PALLD: variants seen among roughly 807,000 people sequenced by gnomAD.
PALLD encodes palladin.
Under a neutral mutation model 123.5 loss-of-function variants are expected in PALLD, and 61 were observed. The ratio of observed to expected loss-of-function variants is 0.49; its 90% CI spans 0.40 to 0.61. The LOEUF (loss-of-function observed/expected upper bound fraction) is 0.61, where lower values mean the gene tolerates loss of function less well. PALLD is among the 20% of genes least tolerant of loss of function. The pLI is 0.00. For synonymous variants in PALLD, 465 were observed against 496.4 expected, an observed-to-expected ratio of 0.94 and a Z score of 0.84; for missense variants, 1,273 against 1,377.0, an observed-to-expected ratio of 0.92 and a Z score of 1.20.
chr4:168,632,352 A>G (rs1192161344), intron 2 of PALLD, among the ~76,000 whole-genome samples: 1 of 152,180 alleles, frequency 6.6e-6, no homozygotes, highest in Non-Finnish European at 1.5e-5. Flanking sequence ...CAAAGCAATC[A>G]ATTTCTGACA....
At chr4:168,842,839 G>C (rs964738802) in intron 10 of PALLD, among the ~76,000 whole-genome samples, 1 of 152,156 alleles carries the variant, frequency 6.6e-6, no homozygotes, top group Non-Finnish European at 1.5e-5. Flanking sequence ...CCCGGTTTTG[G>C]AGAAATAAAA....
intron 10 of PALLD, among the ~76,000 whole-genome samples, chr4:168,755,122 A>G (rs1455802997): frequency 1.3e-5 from 2 of 151,506 alleles, no homozygotes; most frequent in Non-Finnish European, 2.9e-5. Context: ...AGTCTCAGCT[A>G]CTTGGGAGGC....
At chr4:168,574,785 A>G (rs1053748348) in intron 2 of PALLD, among the ~76,000 whole-genome samples, 1 of 152,148 alleles carries the variant, frequency 6.6e-6, no homozygotes, top group Non-Finnish European at 1.5e-5. Context: ...ATTAGCTACT[A>G]TAGAGAACTC....
intron 10 of PALLD, among the ~76,000 whole-genome samples, chr4:168,872,333 C>T (rs953940072): frequency 6.6e-6 from 1 of 152,334 alleles, no homozygotes; most frequent in Admixed American, 6.5e-5. Flanking sequence ...TGATTTCACT[C>T]AGGTCACTTC....
chr4:168,552,769 G>A (rs988597552), intron 2 of PALLD, among the ~76,000 whole-genome samples: 5 of 152,058 alleles, frequency 3.3e-5, no homozygotes, highest in South Asian at 4.1e-4. Flanking sequence ...TCTGCCTCCC[G>A]GGCTCATGCG....
chr4:168,807,934 G>C (rs1374880923), intron 10 of PALLD, among the ~76,000 whole-genome samples: 1 of 152,018 alleles, frequency 6.6e-6, no homozygotes, highest in Non-Finnish European at 1.5e-5. Flanking sequence ...TCGAACTTCT[G>C]ACCTCAGGTG....
intron 10 of PALLD, among the ~76,000 whole-genome samples, chr4:168,820,934 T>C (rs540549393): frequency 6.6e-6 from 1 of 152,340 alleles, no homozygotes; most frequent in Non-Finnish European, 1.5e-5. Context: ...ATGATACTAT[T>C]ATTTATTAAG....
intron 11 of PALLD, among the ~76,000 whole-genome samples, chr4:168,892,037 A>C (rs754383873): frequency 5.3e-5 from 8 of 152,234 alleles, no homozygotes; most frequent in Non-Finnish European, 8.8e-5. Flanking sequence ...GAGTACCTAA[A>C]TAGATTTGGT....
At chr4:168,543,397 C>T (rs1389323570) in intron 2 of PALLD, among the ~76,000 whole-genome samples, 1 of 150,506 alleles carries the variant, frequency 6.6e-6, no homozygotes, top group African/African-American at 2.4e-5. Context: ...TTTAACTGGG[C>T]TTACTAGGCA....
At chr4:168,732,800 C>T (rs941720479) in intron 10 of PALLD, among the ~76,000 whole-genome samples, 4 of 152,158 alleles carry the variant, frequency 2.6e-5, no homozygotes, top group South Asian at 2.1e-4. Flanking sequence ...TTATACAATC[C>T]GATAGTCTAT....
intron 10 of PALLD, among the ~76,000 whole-genome samples, chr4:168,720,813 A>G (rs17054507): frequency 0.05 from 7,544 of 152,256 alleles, 576 homozygotes; most frequent in African/African-American, 0.16. Flanking sequence ...CCCTTCCCTG[A>G]AAATGAGAAG....
intron 2 of PALLD, among the ~76,000 whole-genome samples, chr4:168,539,039 TA>T (rs1190445627): frequency 1.3e-5 from 2 of 152,204 alleles, no homozygotes; most frequent in Non-Finnish European, 2.9e-5. Flanking sequence ...TAGTGTGTCA[TA>T]AAACTAGCTC....
intron 2 of PALLD, among the ~76,000 whole-genome samples, chr4:168,523,230 AGGAGGGGAGG>A (rs199747813): frequency 9.3e-6 from 1 of 107,402 alleles, no homozygotes; most frequent in Non-Finnish European, 1.8e-5. Flanking sequence ...AGGAGAGGAG[AGGAGGGGAGG>A]GGAGGGGAGG....
At chr4:168,513,854 C>T (rs75791552) in intron 2 of PALLD, among the ~76,000 whole-genome samples, 2 of 151,982 alleles carry the variant, frequency 1.3e-5, no homozygotes, top group African/African-American at 4.8e-5. Context: ...CCTGTAATTC[C>T]AGCACTTTGG....
intron 13 of PALLD, chr4:168,897,970 T>G (rs1755599702): frequency 6.5e-6 from 1 of 152,798 alleles, no homozygotes. Flanking sequence ...CAAACATTTT[T>G]TTTTTTCTAT....
At chr4:168,569,907 T>C (rs1012586207) in intron 2 of PALLD, among the ~76,000 whole-genome samples, 1 of 152,160 alleles carries the variant, frequency 6.6e-6, no homozygotes, top group Non-Finnish European at 1.5e-5. Flanking sequence ...TGTGTCTCTT[T>C]GCAATTCTAG....
intron 10 of PALLD, among the ~76,000 whole-genome samples, chr4:168,810,467 C>T (rs569745605): frequency 1.3e-5 from 2 of 151,986 alleles, no homozygotes; most frequent in East Asian, 3.9e-4. Context: ...CCAGCCTGGC[C>T]AACATGGTGA....
At chr4:168,860,179 C>T (rs1376053891) in intron 10 of PALLD, among the ~76,000 whole-genome samples, 5 of 152,088 alleles carry the variant, frequency 3.3e-5, no homozygotes, top group South Asian at 2.1e-4. Flanking sequence ...CTTATCTTTT[C>T]GCGTCTGAAA....
At chr4:168,887,858 A>G (rs1753584351) in intron 10 of PALLD, among the ~76,000 whole-genome samples, 1 of 152,180 alleles carries the variant, frequency 6.6e-6, no homozygotes, top group Non-Finnish European at 1.5e-5. Context: ...GTAGAGATGG[A>G]CAGTACATCC....
Sources: gnomAD v4.1 joint callset for allele counts (sites outside exome capture counted in the v4.1 genomes callset) on GRCh38, gnomAD v4.1.1 for gene constraint, MANE v1.5 for transcripts, NCBI Gene and HGNC (gene_info 2026-07-23, HGNC 2026-07-21) for gene names.